The following MSH4 variants were observed in gnomAD, a reference collection of about 807,000 sequenced individuals.
MSH4 encodes mutS protein homolog 4.
In MSH4, 106 loss-of-function variants were observed where a neutral mutation model predicts 113.7. That is an observed-to-expected ratio of 0.93 (90% CI 0.80 to 1.10). MSH4 has a LOEUF of 1.10. Among genes scored for constraint, MSH4 ranks in the 50% least tolerant of loss-of-function variants. The pLI, the probability that MSH4 is intolerant of heterozygous loss-of-function variation, is 0.00. For synonymous variants in MSH4, 368 were observed against 380.2 expected, an observed-to-expected ratio of 0.97 and a Z score of 0.37; for missense variants, 1,061 against 1,093.7, an observed-to-expected ratio of 0.97 and a Z score of 0.42.
intron 18 of MSH4, among the ~76,000 whole-genome samples, chr1:75,899,377 T>C (rs1236073701): frequency 6.6e-6 from 1 of 152,150 alleles, no homozygotes; most frequent in Non-Finnish European, 1.5e-5. Context: ...CAGAGCTATA[T>C]TGAGAGGTAA....
At position 75,832,008 on chromosome 1, in the gene MSH4, G is replaced by A. The variant is rs1034402408; in HGVS notation, c.1162+9427G>A. Among the ~76,000 whole-genome samples, 8 of 152,174 alleles carry A rather than the reference G, an allele frequency of 5.3e-5. 1 individual carries two copies. Among genetic ancestry groups the A allele is most frequent in the African/African-American group, 1.9e-4 (8 of 41,534 alleles). The stretch of plus-strand genomic sequence containing the variant: ...CAATGAATCAAGGAGCTGGTTTTTT[G>A]AAAAGATCAACAAAATTGATAGACC... On this transcript the variant is annotated intron_variant, in intron 7 of 19. Coordinates refer to ENST00000263187, the MANE Select transcript of MSH4 (RefSeq NM_002440.4).
chr1:75,860,216 A>G (rs1054549741), intron 8 of MSH4, among the ~76,000 whole-genome samples: 2 of 152,176 alleles, frequency 1.3e-5, no homozygotes, highest in Admixed American at 6.5e-5. Context: ...CTGTTTATCC[A>G]ACTTGCCAGT....
chr1:75,864,725 A>C (rs1651525822), intron 8 of MSH4, among the ~76,000 whole-genome samples: 1 of 152,140 alleles, frequency 6.6e-6, no homozygotes, highest in Non-Finnish European at 1.5e-5. Context: ...CACATATTAG[A>C]TATAAGCCCT....
intron 7 of MSH4, among the ~76,000 whole-genome samples, chr1:75,827,436 G>T (rs547616042): frequency 2.4e-4 from 36 of 152,168 alleles, no homozygotes; most frequent in African/African-American, 8.4e-4. Flanking sequence ...CAACTAATGT[G>T]CAAAATAACC....
intron 15 of MSH4, among the ~76,000 whole-genome samples, chr1:75,887,039 G>T (rs1435286257): frequency 1.3e-5 from 2 of 151,690 alleles, no homozygotes; most frequent in Non-Finnish European, 2.9e-5. Flanking sequence ...TCAAAGACTT[G>T]CCCAAGATCA....
Position 75,880,081 on chromosome 1 carries a change from C to T in MSH4, c.1709C>T (p.Thr570Ile), listed in dbSNP as rs367943707. Residue 570 changes from threonine to isoleucine, a missense_variant, in exon 13 of 20, where the codon ACA (threonine) becomes ATA (isoleucine). Transcript: ENST00000263187. ...ISKVKNSYSF[T>I]SADLIKMNER... ...AAAGTGAAAAATTCTTACAGCTTTA[C>T]ATCAGCAGATTTAATTAAAATGAAT... The T allele has an allele frequency of 1.0e-5, 16 of 1,596,326 alleles. No individual in the cohort carries two copies. In the African/African-American group the frequency reaches 2.0e-4, roughly 20 times the overall value.
At chr1:75,911,349 C>T (rs531968177) in intron 19 of MSH4, among the ~76,000 whole-genome samples, 1 of 152,004 alleles carries the variant, frequency 6.6e-6, no homozygotes, top group African/African-American at 2.4e-5. Flanking sequence ...GATTGTGTAC[C>T]ATGCTTTCAA....
At chr1:75,890,667 T>G in intron 16 of MSH4, 29 bp from the exon 17 acceptor site, 1 of 1,241,738 alleles carries the variant, frequency 8.1e-7, no homozygotes, top group Non-Finnish European at 1.1e-6. Flanking sequence ...TTGGTTACAA[T>G]GAATAAATAT....
chr1:75,902,673 GTATATATATATATA>G lies in MSH4; in HGVS notation c.2619+3016_2619+3029del, dbSNP rs34304425. ...AGGTACAGGTGTTATATATGTGTAT[GTATATATATATATA>G]TATATATATATATATATATATATAT... On this transcript the variant is annotated intron_variant, in intron 19 of 19. Coordinates refer to ENST00000263187, the MANE Select transcript of MSH4 (RefSeq NM_002440.4). Among the ~76,000 whole-genome samples, 273 of 90,140 alleles carry G rather than the reference GTATATATATATATA, an allele frequency of 3.0e-3. 5 individuals carry two copies. Among genetic ancestry groups the G allele is most frequent in the African/African-American group, 4.6e-3 (128 of 27,882 alleles). The allele number at this position is 90,140 out of a possible 152,430, so 59.1% of individuals were successfully genotyped here.
At chr1:75,809,952 A>G (rs1333160296) in intron 3 of MSH4, among the ~76,000 whole-genome samples, 1 of 152,022 alleles carries the variant, frequency 6.6e-6, no homozygotes, top group Non-Finnish European at 1.5e-5. Context: ...CCCCTGGCCC[A>G]TAGTTACCCT....
chr1:75,855,013 G>C (rs1400369571), intron 8 of MSH4, among the ~76,000 whole-genome samples: 2 of 149,186 alleles, frequency 1.3e-5, no homozygotes, highest in Non-Finnish European at 3.0e-5. Flanking sequence ...ACTTTATATA[G>C]ATAATTAGTA....
At chr1:75,863,488 C>G (rs2100558152) in intron 8 of MSH4, among the ~76,000 whole-genome samples, 2 of 152,062 alleles carry the variant, frequency 1.3e-5, no homozygotes, top group Middle Eastern at 3.4e-3. Context: ...TTTACTTCCC[C>G]CTCTACTTTT....
chr1:75,834,856 G>A lies in MSH4; in HGVS notation c.1162+12275G>A, dbSNP rs988472594. On this transcript the variant is annotated intron_variant, in intron 7 of 19. Transcript: ENST00000263187. The stretch of plus-strand genomic sequence containing the variant: ...GTTAACGGGTGCAGCACACCAACAT[G>A]GCACATGTATACATATGTAACAAAC... Among the ~76,000 whole-genome samples, 3 of 152,106 alleles carry A rather than the reference G, an allele frequency of 2.0e-5. No individual in the cohort carries two copies. In the East Asian group the frequency reaches 5.8e-4, roughly 29 times the overall value.
At chr1:75,831,394 A>G (rs1193358017) in intron 7 of MSH4, among the ~76,000 whole-genome samples, 2 of 152,158 alleles carry the variant, frequency 1.3e-5, no homozygotes, top group African/African-American at 4.8e-5. Context: ...CAAACTTAAC[A>G]AGGATATCCA....
chr1:75,911,520 C>G (rs866375761), intron 19 of MSH4, among the ~76,000 whole-genome samples: 15 of 152,056 alleles, frequency 9.9e-5, no homozygotes, highest in Middle Eastern at 6.8e-3. Flanking sequence ...TTTTATGGGA[C>G]TTTTCTTAAT....
intron 7 of MSH4, among the ~76,000 whole-genome samples, chr1:75,831,771 C>G (rs1650696748): frequency 1.3e-5 from 2 of 152,062 alleles, no homozygotes; most frequent in South Asian, 4.2e-4. Context: ...GAATCTCTGG[C>G]ACACATTTAA....
At chr1:75,897,129 A>G (rs942203298) in intron 17 of MSH4, among the ~76,000 whole-genome samples, 1 of 152,150 alleles carries the variant, frequency 6.6e-6, no homozygotes, top group Non-Finnish European at 1.5e-5. Context: ...TCAGATCTCT[A>G]TCTGCCTTAG....
intron 8 of MSH4, among the ~76,000 whole-genome samples, chr1:75,859,677 C>T (rs1403805209): frequency 6.6e-6 from 1 of 152,042 alleles, no homozygotes; most frequent in Admixed American, 6.5e-5. Flanking sequence ...TGTTTTACTT[C>T]CAATTATGTG....
At chr1:75,873,560 C>G (rs1216887544) in intron 9 of MSH4, among the ~76,000 whole-genome samples, 1 of 151,928 alleles carries the variant, frequency 6.6e-6, no homozygotes, top group Non-Finnish European at 1.5e-5. Context: ...TCTTCCTCCT[C>G]CCAACCTCCA....
Sources: allele counts gnomAD v4.1 joint callset (sites outside exome capture counted in the v4.1 genomes callset), GRCh38; gene constraint gnomAD v4.1.1; transcripts MANE v1.5; gene names NCBI Gene and HGNC (gene_info 2026-07-23, HGNC 2026-07-21).